Variants in NRXN2 observed in about 807,000 individuals in gnomAD.
NRXN2 encodes neurexin 2.
Under a neutral mutation model 128.8 loss-of-function variants are expected in NRXN2, and 29 were observed. That is an observed-to-expected ratio of 0.23 (90% CI 0.17 to 0.31). NRXN2 has a LOEUF of 0.31. NRXN2 is among the 10% of genes least tolerant of loss of function. The pLI is 1.00. For synonymous variants in NRXN2, 1,098 were observed against 1,075.2 expected (o/e 1.02, Z -0.41); for missense variants, 1,881 against 2,452.6 (o/e 0.77, Z 4.92).
At chr11:64,641,821 G>A (rs1370794895) in intron 17 of NRXN2, among the ~76,000 whole-genome samples, 1 of 152,024 alleles carries the variant, frequency 6.6e-6, no homozygotes, top group Non-Finnish European at 1.5e-5. Flanking sequence ...GTGAGATGCT[G>A]GGGGTCAGAG....
chr11:64,633,782 C>G (rs927041333), intron 18 of NRXN2, among the ~76,000 whole-genome samples: 3 of 152,188 alleles, frequency 2.0e-5, no homozygotes, highest in African/African-American at 7.2e-5. Context: ...TACAGCCACA[C>G]TGTCTTTCGC....
At chr11:64,712,705 G>A (rs1407531970) in intron 2 of NRXN2, 3 of 637,292 alleles carry the variant, frequency 4.7e-6, no homozygotes, top group Admixed American at 4.2e-5. Flanking sequence ...TTCAGAACCT[G>A]ACCACACAGG....
chr11:64,703,949 T>C (rs188480504), intron 2 of NRXN2, among the ~76,000 whole-genome samples: 1 of 152,326 alleles, frequency 6.6e-6, no homozygotes, highest in Admixed American at 6.5e-5. Context: ...GGCTAACAAG[T>C]AGCAAAGCTA....
chr11:64,625,442 T>G (rs1388437478), intron 20 of NRXN2, among the ~76,000 whole-genome samples: 3 of 152,188 alleles, frequency 2.0e-5, no homozygotes, highest in Non-Finnish European at 4.4e-5. Flanking sequence ...TACAGTCCCT[T>G]TAACTTTTTG....
intron 6 of NRXN2, among the ~76,000 whole-genome samples, chr11:64,679,406 G>A (rs2051843010): frequency 6.6e-6 from 1 of 152,178 alleles, no homozygotes; most frequent in Admixed American, 6.5e-5. Context: ...GGGAGGCCGA[G>A]GCAGGCGGAT....
intron 7 of NRXN2, among the ~76,000 whole-genome samples, chr11:64,669,139 C>A (rs1231167843): frequency 6.6e-6 from 1 of 152,174 alleles, no homozygotes; most frequent in East Asian, 1.9e-4. Flanking sequence ...TCAGTCTGGA[C>A]CCAGTAGGGA....
intron 19 of NRXN2, among the ~76,000 whole-genome samples, chr11:64,629,457 T>C (rs943038005): frequency 6.6e-6 from 1 of 152,190 alleles, no homozygotes; most frequent in Non-Finnish European, 1.5e-5. Flanking sequence ...TCTTTGCATA[T>C]AGTTCAGTGC....
rs1182856922 is a variant in NRXN2, at chr11:64,635,631, G to C, written c.3404-179C>G. Among the ~76,000 whole-genome samples the C allele has an allele frequency of 6.6e-6, 1 of 152,166 alleles. No homozygotes were observed. Among genetic ancestry groups the C allele is most frequent in the African/African-American group, 2.4e-5 (1 of 41,440 alleles). ...GGGAGAAGTTGGCAGGCGGGTGCCTGGGTGAGAGCCTGTGCACGCGCACAG... is the reference window on the plus strand; with the variant it reads ...GGGAGAAGTTGGCAGGCGGGTGCCTCGGTGAGAGCCTGTGCACGCGCACAG... On this transcript the variant is annotated intron_variant, in intron 17 of 22. Transcript: ENST00000265459. This position sits in a 1 kb window ranked among gnomAD's most constrained non-coding sequence, Gnocchi z 4.8.
In NRXN2 at chr11:64,667,162, G is replaced by A. The variant is rs1050611076; in HGVS notation, c.1798+88C>T. 2 of 1,336,454 alleles carry A rather than the reference G, an allele frequency of 1.5e-6. No homozygotes were observed. The highest frequency in any genetic ancestry group is 2.1e-6 in the Non-Finnish European group (2 of 942,344). The allele number at this position is 1,336,454 out of a possible 1,614,324, so 82.8% of individuals were successfully genotyped here. A position where few individuals can be genotyped will look rare whatever the true frequency, so the allele number is the denominator to read the frequency against. ...GAAGAATATAGGAAATGGTGTAGAA[G>A]AGACCCGCTGAAGAGAGACGGAGAG... On this transcript the variant is annotated intron_variant, in intron 9 of 22. Coordinates refer to ENST00000265459, the MANE Select transcript of NRXN2 (RefSeq NM_015080.4). This position sits in a 1 kb window ranked among gnomAD's most constrained non-coding sequence, Gnocchi z 5.6.
chr11:64,664,234 T>C (rs1407836673), intron 9 of NRXN2, among the ~76,000 whole-genome samples: 1 of 151,902 alleles, frequency 6.6e-6, no homozygotes, highest in African/African-American at 2.4e-5. Flanking sequence ...CCCAGCACTT[T>C]GGGAGGCCAA....
intron 11 of NRXN2, 58 bp from the exon 12 acceptor site, chr11:64,653,780 T>C (rs1410114090): frequency 7.7e-7 from 1 of 1,297,866 alleles, no homozygotes; most frequent in Non-Finnish European, 1.1e-6. Context: ...AAAACAAGTT[T>C]TTTTTTTTTT....
chr11:64,658,594 G>T (rs971383974), intron 11 of NRXN2, among the ~76,000 whole-genome samples: 7 of 152,304 alleles, frequency 4.6e-5, no homozygotes, highest in Middle Eastern at 3.4e-3. Flanking sequence ...GAATACAAAG[G>T]CCAGGTGGCC....
intron 8 of NRXN2, among the ~76,000 whole-genome samples, chr11:64,668,087 G>A (rs2050134583): frequency 6.6e-6 from 1 of 152,194 alleles, no homozygotes; most frequent in African/African-American, 2.4e-5. Context: ...CCACAGAGGA[G>A]GAAACTCAGC....
At chr11:64,640,917 G>A (rs1359910091) in intron 17 of NRXN2, among the ~76,000 whole-genome samples, 1 of 152,120 alleles carries the variant, frequency 6.6e-6, no homozygotes, top group Non-Finnish European at 1.5e-5. Flanking sequence ...GCACAGATGG[G>A]AAGGGTGAAA....
intron 17 of NRXN2, among the ~76,000 whole-genome samples, chr11:64,647,238 C>T (rs1324212036): frequency 1.4e-5 from 2 of 141,320 alleles, no homozygotes; most frequent in Non-Finnish European, 3.1e-5. Context: ...TGTGTGTGTG[C>T]ATGTGTGTGT....
At chr11:64,706,270 C>G (rs1468254671) in intron 2 of NRXN2, among the ~76,000 whole-genome samples, 3 of 140,562 alleles carry the variant, frequency 2.1e-5, no homozygotes, top group Admixed American at 1.6e-4. Context: ...GTGCTGCACC[C>G]AAATAACTCG....
At chr11:64,721,723 C>G (rs1443203424) in intron 1 of NRXN2, among the ~76,000 whole-genome samples, 1 of 152,018 alleles carries the variant, frequency 6.6e-6, no homozygotes, top group Admixed American at 6.6e-5. Context: ...AAAGGAACAC[C>G]CAGACACTGG....
chr11:64,677,327 C>A (rs370192652), intron 6 of NRXN2, among the ~76,000 whole-genome samples: 11 of 152,060 alleles, frequency 7.2e-5, no homozygotes, highest in Admixed American at 3.9e-4. Context: ...CTACCCCGCC[C>A]CTCCTCTGGA....
At chr11:64,621,009 AAGG>A (rs1483426455) in intron 21 of NRXN2, among the ~76,000 whole-genome samples, 5 of 152,078 alleles carry the variant, frequency 3.3e-5, no homozygotes, top group South Asian at 2.1e-4. Context: ...CAGGGGCATG[AAGG>A]AGGAGACCCA....
Sources: gnomAD v4.1 joint callset for allele counts (sites outside exome capture counted in the v4.1 genomes callset) on GRCh38, gnomAD v4.1.1 for gene constraint, Gnocchi (gnomAD v3.1) non-coding constraint, MANE v1.5 for transcripts, NCBI Gene and HGNC (gene_info 2026-07-23, HGNC 2026-07-21) for gene names.